EDA: variants seen among roughly 807,000 people sequenced by gnomAD.
The protein encoded by EDA is ectodysplasin-A.
In EDA, 2 loss-of-function variants were observed where a neutral mutation model predicts 23.6. That is an observed-to-expected ratio of 0.08 (90% confidence interval 0.03 to 0.27). The LOEUF (loss-of-function observed/expected upper bound fraction) is 0.27. Ranked by LOEUF, EDA falls within the 10% of genes least tolerant of loss-of-function variation. EDA has a pLI of 1.00. For missense variants in EDA, 229 were observed against 324.2 expected, an observed-to-expected ratio of 0.71 and a Z score of 2.26; for synonymous variants, 131 against 132.0, an observed-to-expected ratio of 0.99 and a Z score of 0.05.
At chrX:69,621,697 G>A (rs1309260332) in intron 1 of EDA, among the ~76,000 whole-genome samples, 2 of 111,398 alleles carry the variant, frequency 1.8e-5, no homozygotes, top group Non-Finnish European at 3.8e-5. Flanking sequence ...TACTGTTTTC[G>A]TGACATCCAT....
chrX:69,998,774 TG>T lies in EDA; in HGVS notation c.503-24442del, dbSNP rs1270705934. Reference sequence around the variant, plus strand: ...AGTGAATAAGTCTCACAAGATCTGATGGTTTGATAAGGGGAAACATGTGTTG... The same window carrying T: ...AGTGAATAAGTCTCACAAGATCTGATGTTTGATAAGGGGAAACATGTGTTG... On this transcript the variant is annotated intron_variant, in intron 2 of 7. Transcript: ENST00000374552. Among the ~76,000 whole-genome samples the T allele has an allele frequency of 3.6e-5, 4 of 111,978 alleles. No homozygotes were observed. In the East Asian group the frequency reaches 1.1e-3, roughly 32 times the overall value.
chrX:69,863,743 A>G (rs5936788), intron 1 of EDA, among the ~76,000 whole-genome samples: 24,702 of 106,333 alleles, frequency 0.23, 2,309 homozygotes, highest in African/African-American at 0.31. Flanking sequence ...GTGTATGTAT[A>G]TGTGTGTGTG....
chrX:69,870,674 G>A (rs777102641), intron 1 of EDA, among the ~76,000 whole-genome samples: 2 of 111,619 alleles, frequency 1.8e-5, no homozygotes, highest in East Asian at 2.8e-4. Flanking sequence ...AGTGTGCCCA[G>A]CTTCATCAGG....
At chrX:69,898,286 T>C (rs974534476) in intron 1 of EDA, among the ~76,000 whole-genome samples, 78 of 111,977 alleles carry the variant, frequency 7.0e-4, no homozygotes, top group African/African-American at 2.5e-3. Flanking sequence ...TTCTAGTTCA[T>C]TTGAGGTTGG....
At chrX:69,791,993 C>G (rs1002492089) in intron 1 of EDA, among the ~76,000 whole-genome samples, 1 of 111,588 alleles carries the variant, frequency 9.0e-6, no homozygotes, top group African/African-American at 3.3e-5. Flanking sequence ...TTGGGGGGTA[C>G]AGCTGCGTTT....
chrX:69,727,243 C>G (rs908753378), intron 1 of EDA, among the ~76,000 whole-genome samples: 14 of 111,696 alleles, frequency 1.3e-4, no homozygotes, highest in African/African-American at 4.2e-4. Flanking sequence ...CTCATCTGCT[C>G]GTGGAGCCTG....
intron 1 of EDA, among the ~76,000 whole-genome samples, chrX:69,873,512 CAAG>C (rs2017597953): frequency 8.9e-6 from 1 of 111,815 alleles, no homozygotes; most frequent in African/African-American, 3.2e-5. Context: ...TGAGATTAAT[CAAG>C]AAGAGAGAAG....
At chrX:69,676,036 A>C (rs1934068030) in intron 1 of EDA, among the ~76,000 whole-genome samples, 1 of 111,112 alleles carries the variant, frequency 9.0e-6, no homozygotes, top group Non-Finnish European at 1.9e-5. Flanking sequence ...CAGAAATAGC[A>C]ACATGGCCAT....
intron 1 of EDA, chrX:69,616,935 G>T: frequency 2.2e-6 from 1 of 447,040 alleles, no homozygotes; most frequent in Non-Finnish European, 3.9e-6. Context: ...TCTCGCGCGC[G>T]CCCGCGGCCC....
intron 1 of EDA, among the ~76,000 whole-genome samples, chrX:69,912,672 A>G (rs1479514772): frequency 9.0e-6 from 1 of 111,218 alleles, no homozygotes; most frequent in Non-Finnish European, 1.9e-5. Context: ...TAAAATTTCA[A>G]TAAACCATGC....
chrX:69,794,190 C>G (rs985275109), intron 1 of EDA, among the ~76,000 whole-genome samples: 1 of 109,552 alleles, frequency 9.1e-6, no homozygotes, highest in African/African-American at 3.3e-5. Context: ...GGACCATACA[C>G]AAGCACAGAT....
At chrX:69,834,785 A>C (rs1356937406) in intron 1 of EDA, among the ~76,000 whole-genome samples, 20 of 111,371 alleles carry the variant, frequency 1.8e-4, no homozygotes, top group Non-Finnish European at 3.6e-4. Context: ...TTCCTCATTA[A>C]TTGATGCAGT....
intron 1 of EDA, among the ~76,000 whole-genome samples, chrX:69,676,979 TC>T (rs1934113757): frequency 1.9e-5 from 1 of 52,224 alleles, no homozygotes; most frequent in Non-Finnish European, 3.3e-5. Context: ...CCCTCCCCCC[TC>T]CCCCCACCCC....
At chrX:69,775,276 G>C (rs1041599691) in intron 1 of EDA, among the ~76,000 whole-genome samples, 2 of 111,003 alleles carry the variant, frequency 1.8e-5, no homozygotes, top group African/African-American at 6.5e-5. Context: ...ATCACTTTTT[G>C]TAACTAAAGA....
intron 1 of EDA, among the ~76,000 whole-genome samples, chrX:69,952,384 A>AAG (rs1419824023): frequency 1.8e-5 from 2 of 111,693 alleles, no homozygotes; most frequent in Admixed American, 9.5e-5. Context: ...GCAGCAGGCG[A>AAG]AGAGAGAGAG....
At chrX:69,942,151 G>C (rs192718615) in intron 1 of EDA, among the ~76,000 whole-genome samples, 8 of 111,416 alleles carry the variant, frequency 7.2e-5, no homozygotes, top group African/African-American at 2.6e-4. Flanking sequence ...TCTATGTCTT[G>C]AAAAGTTGTC....
chrX:70,026,893 C>T (rs2020112955), intron 3 of EDA, among the ~76,000 whole-genome samples: 1 of 109,880 alleles, frequency 9.1e-6, no homozygotes, highest in Non-Finnish European at 1.9e-5. Context: ...CTCCATTCCC[C>T]CATCTCCAAA....
At position 69,960,541 on chromosome X, in the gene EDA, A is replaced by G. The variant is rs895924920; in HGVS notation, c.502+3409A>G. Among the ~76,000 whole-genome samples the G allele has an allele frequency of 3.6e-5, 4 of 110,923 alleles. 1 individual carries two copies. Among genetic ancestry groups the G allele is most frequent in the Non-Finnish European group, 3.8e-5 (2 of 53,031 alleles). ...CATCACTGTGTATCATGAAAATAAG[A>G]TGACTCTCTTTTGTACAAAGGACTT... On this transcript the variant is annotated intron_variant, in intron 2 of 7. Transcript: ENST00000374552.
chrX:69,824,438 G>T (rs2016345345), intron 1 of EDA, among the ~76,000 whole-genome samples: 1 of 110,177 alleles, frequency 9.1e-6, no homozygotes, highest in South Asian at 3.9e-4. Context: ...GGATTCCTAG[G>T]TATTTTATTC....
Sources: allele counts gnomAD v4.1 joint callset (sites outside exome capture counted in the v4.1 genomes callset), GRCh38; gene constraint gnomAD v4.1.1; transcripts MANE v1.5; gene names NCBI Gene and HGNC (gene_info 2026-07-23, HGNC 2026-07-21).